The following WDR11 variants were observed in gnomAD, a reference collection of about 807,000 sequenced individuals.
WDR11 encodes WD repeat-containing protein 11.
A neutral mutation model predicts 151.2 loss-of-function variants in WDR11; 83 were observed. The ratio of observed to expected loss-of-function variants is 0.55; its 90% CI spans 0.46 to 0.66. WDR11 has a LOEUF of 0.66. WDR11 is among the 30% of genes least tolerant of loss of function. The pLI, the probability that WDR11 is intolerant of heterozygous loss-of-function variation, is 0.00. For missense variants in WDR11, 1,301 were observed against 1,480.9 expected, an observed-to-expected ratio of 0.88 and a Z score of 1.99; for synonymous variants, 484 against 533.1, an observed-to-expected ratio of 0.91 and a Z score of 1.27.
At chr10:120,853,439 G>A (rs1026896823) in intron 2 of WDR11, among the ~76,000 whole-genome samples, 1 of 151,964 alleles carries the variant, frequency 6.6e-6, no homozygotes, top group East Asian at 1.9e-4. Context: ...CTAATTTTTT[G>A]TATTTTTAGT....
chr10:120,908,027 A>T, intron 28 of WDR11: 1 of 164,884 alleles, frequency 6.1e-6, no homozygotes, highest in Non-Finnish European at 1.3e-5. Flanking sequence ...GGTTCAGTGT[A>T]TGCATTTTGA....
intron 12 of WDR11, chr10:120,880,619 A>T (rs1249795176): frequency 3.9e-6 from 2 of 510,460 alleles, no homozygotes; most frequent in Non-Finnish European, 7.0e-6. Flanking sequence ...AGATTGCGCC[A>T]TTGCACTCCA....
chr10:120,867,216 G>A, intron 9 of WDR11, 47 bp downstream of exon 9: 4 of 1,364,388 alleles, frequency 2.9e-6, no homozygotes, highest in Middle Eastern at 3.6e-4. Flanking sequence ...TCTTTCTGAA[G>A]GGCAAAATTA....
chr10:120,873,396 A>G (rs1846616741), intron 10 of WDR11, among the ~76,000 whole-genome samples: 1 of 152,238 alleles, frequency 6.6e-6, no homozygotes, highest in South Asian at 2.1e-4. Flanking sequence ...TTTATTTAAT[A>G]AAAGAGACAA....
At position 120,909,272 on chromosome 10, in the gene WDR11, A is replaced by G. The variant is rs757949670; in HGVS notation, c.*559A>G. 10 of 155,450 alleles carry G rather than the reference A, an allele frequency of 6.4e-5. No homozygotes were observed. Among genetic ancestry groups the G allele is most frequent in the Non-Finnish European group, 1.4e-4 (10 of 69,884 alleles). 9.6% of individuals were successfully genotyped at this position (155,450 alleles called of 1,614,324 possible). ...GGTTTAAGCAGTTGCTAAGTTTTGT[A>G]ATTTTAGGCTCAGAGGACCATAGGA... On this transcript the variant is annotated 3_prime_UTR_variant, in exon 29 of 29. Coordinates refer to ENST00000263461, the MANE Select transcript of WDR11 (RefSeq NM_018117.12).
intron 10 of WDR11, 150 bp downstream of exon 10, chr10:120,871,496 A>T (rs1846541150): frequency 5.6e-5 from 11 of 195,468 alleles, no homozygotes; most frequent in South Asian, 4.7e-4. Context: ...CTGGAACTTA[A>T]AAAAAAAAAA....
intron 28 of WDR11, 95 bp from the exon 29 acceptor site, chr10:120,908,461 C>G: frequency 1.5e-6 from 2 of 1,346,420 alleles, no homozygotes; most frequent in Non-Finnish European, 2.1e-6. Context: ...GAGCAGCCAG[C>G]AGAGCAGACG....
At position 120,852,544 on chromosome 10, in the gene WDR11, C is replaced by T. The variant is rs1359020299; in HGVS notation, c.107C>T (p.Ala36Val). 3.1e-6 allele frequency: 5 copies of T among 1,613,860 alleles called. No homozygotes were observed. The highest frequency in any genetic ancestry group is 4.2e-6 in the Non-Finnish European group (5 of 1,179,956). ...GCTAGGGGCTGGCAAGGTTTAATTG[C>T]TTATGGATGTCATTCACTTGTGGTA... ...AVDWGWQGLI[A>V]YGCHSLVVVI... The change falls in exon 2 of 29, where the codon GCT (alanine) becomes GTT (valine). Residue 36 changes from alanine (A) to valine (V), a missense_variant. Transcript: ENST00000263461.
At position 120,904,634 on chromosome 10, in the gene WDR11, TTCTC is replaced by T; in HGVS notation, c.3028-10_3028-7del. ...ATGTTCTCATAATTAGAAAAACCGT[TTCTC>T]TTACTAGACAGACAGAGCTGTGCAG... On this transcript the variant is annotated splice_polypyrimidine_tract_variant and splice_region_variant and intron_variant, in intron 24 of 28. Transcript: ENST00000263461. 6.2e-7 allele frequency: 1 copy of T among 1,614,162 alleles called. No homozygotes were observed. The highest frequency in any genetic ancestry group is 2.2e-5 in the East Asian group (1 of 44,886).
At chr10:120,890,058 G>A (rs759868732) in intron 18 of WDR11, 49 bp downstream of exon 18, 1 of 1,334,882 alleles carries the variant, frequency 7.5e-7, no homozygotes, top group African/African-American at 1.4e-5. Flanking sequence ...TTAGCCATAG[G>A]AACTGTGCTT....
chr10:120,908,760 G>A lies in WDR11; in HGVS notation c.*47G>A. ...ATCTGACCTGGAAGGCAGATGGGAG[G>A]GGGCTGGTCTGGCTGTGGCCACCGT... On this transcript the variant is annotated 3_prime_UTR_variant, in exon 29 of 29. Coordinates refer to ENST00000263461, the MANE Select transcript of WDR11 (RefSeq NM_018117.12). The A allele has an allele frequency of 6.2e-7, 1 of 1,609,858 alleles. No homozygotes were observed. Among genetic ancestry groups the A allele is most frequent in the Non-Finnish European group, 8.5e-7 (1 of 1,177,624 alleles).
chr10:120,861,762 C>T (rs1203105932), intron 4 of WDR11, among the ~76,000 whole-genome samples: 1 of 151,390 alleles, frequency 6.6e-6, no homozygotes, highest in Non-Finnish European at 1.5e-5. Context: ...CTGCTCATGT[C>T]TTCCAGTATT....
intron 1 of WDR11, chr10:120,851,719 C>T: frequency 1.6e-6 from 1 of 620,264 alleles, no homozygotes; most frequent in South Asian, 1.9e-5. Context: ...AAATACATTT[C>T]CCCTCTTTCT....
intron 26 of WDR11, 46 bp from the exon 27 acceptor site, chr10:120,905,830 A>C (rs748523160): frequency 1.9e-6 from 3 of 1,614,004 alleles, no homozygotes; most frequent in South Asian, 2.2e-5. Flanking sequence ...TTTTTTCTTT[A>C]TAGAGTGCAG....
intron 19 of WDR11, among the ~76,000 whole-genome samples, chr10:120,895,117 G>C (rs1204144440): frequency 2.6e-5 from 4 of 152,154 alleles, no homozygotes; most frequent in African/African-American, 9.7e-5. Flanking sequence ...GGATTCTCTT[G>C]TATCTTTTCG....
intron 11 of WDR11, among the ~76,000 whole-genome samples, chr10:120,875,021 T>C (rs761596422): frequency 8.5e-5 from 13 of 152,074 alleles, no homozygotes; most frequent in Non-Finnish European, 7.4e-5. Context: ...TGTGTCTATG[T>C]GTTCTCATCG....
rs1590121594 is a variant in WDR11 at position 120,904,267 on chromosome 10, G to T, written c.3027+125G>T. The T allele has an allele frequency of 6.5e-6, 5 of 768,570 alleles. No individual in the cohort carries two copies. In the East Asian group the frequency reaches 1.3e-4, roughly 21 times the overall value. The allele number at this position is 768,570 out of a possible 1,614,324, so 47.6% of individuals were successfully genotyped here. A position where few individuals can be genotyped will look rare whatever the true frequency, so the allele number is the denominator to read the frequency against. On this transcript the variant is annotated intron_variant, in intron 24 of 28. Transcript: ENST00000263461. ...CCTTGTATGTACCTCCTTCCCTGTA[G>T]ACAGTTTAGGCTTTCTTTCAAAATA...
In WDR11 at chr10:120,862,725, C is replaced by T. The variant is rs2133739988; in HGVS notation, c.527-10C>T. 1 of 1,613,978 alleles carries T rather than the reference C, an allele frequency of 6.2e-7. No homozygotes were observed. Among genetic ancestry groups the T allele is most frequent in the East Asian group, 2.2e-5 (1 of 44,866 alleles). ...AAACTTTAATCAGAGTTTTGCTTTT[C>T]TCAATATAGTGCTTACCAGCGAGGG... On this transcript the variant is annotated splice_polypyrimidine_tract_variant and intron_variant, in intron 4 of 28. Transcript: ENST00000263461.
chr10:120,889,541 A>G (rs899674424), intron 17 of WDR11: 7 of 400,534 alleles, frequency 1.7e-5, no homozygotes, highest in Non-Finnish European at 2.8e-5. Flanking sequence ...CACCCGGCCA[A>G]AAAATGACAT....
Sources: gnomAD v4.1 joint callset for allele counts (sites outside exome capture counted in the v4.1 genomes callset) on GRCh38, gnomAD v4.1.1 for gene constraint, MANE v1.5 for transcripts, NCBI Gene and HGNC (gene_info 2026-07-23, HGNC 2026-07-21) for gene names.